LRRK1: variants seen among roughly 807,000 people sequenced by gnomAD.
LRRK1 encodes the protein leucine-rich repeat serine/threonine-protein kinase 1.
LRRK1 carries 113 observed loss-of-function variants against 209.1 expected under a neutral mutation model. That is an observed-to-expected ratio of 0.54 (90% CI 0.46 to 0.63). LRRK1 has a LOEUF of 0.63. LRRK1 is among the 30% of genes least tolerant of loss of function. The pLI, the probability that LRRK1 is intolerant of heterozygous loss-of-function variation, is 0.00. For synonymous variants in LRRK1, 1,144 were observed against 1,099.7 expected (o/e 1.04, Z -0.80); for missense variants, 2,284 against 2,632.2 (o/e 0.87, Z 2.89).
At chr15:100,941,208 GTGTC>G (rs2042394918) in intron 2 of LRRK1, among the ~76,000 whole-genome samples, 1 of 151,260 alleles carries the variant, frequency 6.6e-6, no homozygotes, top group Non-Finnish European at 1.5e-5. Flanking sequence ...GTTTCTGTGT[GTGTC>G]TGTATGTGTC....
chr15:100,924,073 C>A (rs546491373), intron 1 of LRRK1, among the ~76,000 whole-genome samples: 2 of 152,202 alleles, frequency 1.3e-5, no homozygotes, highest in African/African-American at 4.8e-5. Context: ...GAACTGGCCC[C>A]GGGCAAAAGG....
chr15:101,053,629 A>G (rs1293128812), intron 26 of LRRK1, among the ~76,000 whole-genome samples: 1 of 152,158 alleles, frequency 6.6e-6, no homozygotes, highest in Non-Finnish European at 1.5e-5. Flanking sequence ...GGGGGAGCGC[A>G]CACTCTGGAG....
chr15:100,984,622 G>A (rs8039550), intron 4 of LRRK1, among the ~76,000 whole-genome samples: 2 of 152,116 alleles, frequency 1.3e-5, no homozygotes, highest in South Asian at 2.1e-4. Flanking sequence ...ATAGCGATAT[G>A]CATTTAAGGT....
intron 6 of LRRK1, among the ~76,000 whole-genome samples, chr15:101,000,380 A>G (rs1373154835): frequency 6.6e-6 from 1 of 152,176 alleles, no homozygotes; most frequent in Non-Finnish European, 1.5e-5. Context: ...ATCTGTGTCA[A>G]TGGAATGTTC....
At position 100,929,155 on chromosome 15, in the gene LRRK1, C is replaced by G. The variant is rs538214845; in HGVS notation, c.97+4426C>G. Among the ~76,000 whole-genome samples the G allele has an allele frequency of 3.9e-5, 6 of 152,292 alleles. No individual in the cohort carries two copies. The South Asian group carries it at 1.2e-3, about 32-fold the overall frequency. On this transcript the variant is annotated intron_variant, in intron 2 of 33. Coordinates refer to ENST00000388948, the MANE Select transcript of LRRK1 (RefSeq NM_024652.6). ...AGTCCCGCCAGCCAAGGAGAGCTGTCCTGGAAAGTAGAGAAGTCAGGAAAC... is the reference window on the plus strand; with the variant it reads ...AGTCCCGCCAGCCAAGGAGAGCTGTGCTGGAAAGTAGAGAAGTCAGGAAAC...
intron 2 of LRRK1, among the ~76,000 whole-genome samples, chr15:100,952,396 C>T (rs1293852618): frequency 1.8e-4 from 27 of 152,120 alleles, no homozygotes; most frequent in Non-Finnish European, 1.0e-4. Flanking sequence ...GGTTGTGAGC[C>T]ACAGTTAAAG....
At chr15:100,938,835 T>C (rs2042350544) in intron 2 of LRRK1, among the ~76,000 whole-genome samples, 1 of 152,174 alleles carries the variant, frequency 6.6e-6, no homozygotes, top group Non-Finnish European at 1.5e-5. Flanking sequence ...CTCATGCCTG[T>C]AATCCTAGGA....
chr15:100,992,312 C>G (rs1421092795), intron 6 of LRRK1, among the ~76,000 whole-genome samples: 2 of 152,174 alleles, frequency 1.3e-5, no homozygotes, highest in African/African-American at 4.8e-5. Context: ...TGTCAATTCA[C>G]ATTGTCTGCT....
intron 3 of LRRK1, among the ~76,000 whole-genome samples, chr15:100,979,865 G>A (rs560157749): frequency 1.4e-4 from 21 of 152,272 alleles, no homozygotes; most frequent in African/African-American, 4.6e-4. Flanking sequence ...ATGAAAATTA[G>A]AGCAATGATA....
chr15:100,942,228 A>T (rs2042453292), intron 2 of LRRK1, among the ~76,000 whole-genome samples: 1 of 152,200 alleles, frequency 6.6e-6, no homozygotes, highest in South Asian at 2.1e-4. Context: ...AACCGGGTTC[A>T]AATCCTGATG....
intron 6 of LRRK1, 40 bp from the exon 7 acceptor site, chr15:101,008,797 T>A: frequency 6.7e-7 from 1 of 1,486,670 alleles, no homozygotes; most frequent in Non-Finnish European, 9.4e-7. Context: ...GGCCCTGAAC[T>A]CACCCTCCAC....
At chr15:100,961,434 C>G (rs2141635210) in intron 2 of LRRK1, among the ~76,000 whole-genome samples, 1 of 152,196 alleles carries the variant, frequency 6.6e-6, no homozygotes, top group Middle Eastern at 3.4e-3. Flanking sequence ...GCGGGCAGAT[C>G]ACGAGGTCAA....
chr15:100,931,838 T>C (rs2042217995), intron 2 of LRRK1, among the ~76,000 whole-genome samples: 1 of 152,178 alleles, frequency 6.6e-6, no homozygotes, highest in African/African-American at 2.4e-5. Flanking sequence ...GCCTGACTCC[T>C]CCCTGAAGGT....
chr15:100,979,783 T>C (rs2031498749), intron 3 of LRRK1, among the ~76,000 whole-genome samples: 1 of 152,148 alleles, frequency 6.6e-6, no homozygotes, highest in Non-Finnish European at 1.5e-5. Flanking sequence ...GAAGAGACAT[T>C]TCACTGAGGA....
intron 2 of LRRK1, among the ~76,000 whole-genome samples, chr15:100,964,963 T>C (rs1244753876): frequency 6.6e-6 from 1 of 152,178 alleles, no homozygotes; most frequent in African/African-American, 2.4e-5. Flanking sequence ...GACTTAACAA[T>C]TATTGCTCTG....
chr15:101,055,134 C>T lies in LRRK1; in HGVS notation c.4243C>T (p.Gln1415Ter). 1 of 1,613,678 alleles carries T rather than the reference C, an allele frequency of 6.2e-7. No individual in the cohort carries two copies. ...IKLSDYGISR[Q>*]SFHEGALGVE... ...GCTATCTGACTACGGGATTTCGAGG[C>T]AGTCATTCCATGAGGGCGCCCTAGG... Residue 1415 changes from glutamine (Q) to a stop codon, truncating the protein, a stop_gained, in exon 27 of 34, where the codon CAG becomes TAG. Coordinates refer to ENST00000388948, the MANE Select transcript of LRRK1 (RefSeq NM_024652.6). LOFTEE classifies it high-confidence loss of function.
intron 2 of LRRK1, among the ~76,000 whole-genome samples, chr15:100,948,652 A>G (rs2042588552): frequency 6.6e-6 from 1 of 152,376 alleles, no homozygotes; most frequent in East Asian, 1.9e-4. Flanking sequence ...TAAATGTAAA[A>G]GAATGGAAAT....
At position 101,053,473 on chromosome 15, in the gene LRRK1, G is replaced by A. The variant is rs984817622; in HGVS notation, c.4054+53G>A. The A allele has an allele frequency of 2.7e-5, 39 of 1,461,252 alleles. 1 individual carries two copies. In the South Asian group the frequency reaches 4.6e-4, roughly 17 times the overall value. The allele number at this position is 1,461,252 out of a possible 1,614,324, so 90.5% of individuals were successfully genotyped here. A position where few individuals can be genotyped will look rare whatever the true frequency, so the allele number is the denominator to read the frequency against. ...CCCGGAGACCGACAGAGCCCCGGGC[G>A]CCTCCTGCCTGGCACGGGGGGTAGA... is the stretch of plus-strand genomic sequence containing the variant. On this transcript the variant is annotated intron_variant, in intron 26 of 33. Transcript: ENST00000388948.
intron 2 of LRRK1, among the ~76,000 whole-genome samples, chr15:100,972,026 G>A (rs1248228211): frequency 2.0e-5 from 3 of 151,166 alleles, no homozygotes; most frequent in Non-Finnish European, 4.4e-5. Context: ...GCAGTGGTGC[G>A]ATCTCAGCTC....
Sources: gnomAD v4.1 joint callset for allele counts (sites outside exome capture counted in the v4.1 genomes callset) on GRCh38, gnomAD v4.1.1 for gene constraint, MANE v1.5 for transcripts, NCBI Gene and HGNC (gene_info 2026-07-23, HGNC 2026-07-21) for gene names.